DPP10: variants seen among roughly 807,000 people sequenced by gnomAD.
DPP10 encodes the protein inactive dipeptidyl peptidase 10.
Under a neutral mutation model 120.9 loss-of-function variants are expected in DPP10, and 33 were observed. The observed-to-expected ratio is 0.27, with a 90% confidence interval of 0.21 to 0.37. The LOEUF is 0.37. DPP10 is among the 10% of genes least tolerant of loss of function. The pLI, the probability that DPP10 is intolerant of heterozygous loss-of-function variation, is 1.00. For synonymous variants in DPP10, 337 were observed against 326.1 expected, an observed-to-expected ratio of 1.03 and a Z score of -0.36; for missense variants, 816 against 942.8, an observed-to-expected ratio of 0.87 and a Z score of 1.76.
intron 1 of DPP10, among the ~76,000 whole-genome samples, chr2:115,257,805 A>T (rs546034384): frequency 7.9e-5 from 12 of 152,310 alleles, no homozygotes; most frequent in African/African-American, 1.4e-4. Flanking sequence ...TGCCTTGATG[A>T]TATAACCTAT....
chr2:114,899,700 G>T (rs1417085700), intron 1 of DPP10, among the ~76,000 whole-genome samples: 1 of 152,172 alleles, frequency 6.6e-6, no homozygotes, highest in Non-Finnish European at 1.5e-5. Context: ...GCTCACGCCT[G>T]TAATCCCAGC....
chr2:115,699,043 A>AAAAAAAAAAAAAAAAG (rs2091757117), intron 7 of DPP10, among the ~76,000 whole-genome samples: 1 of 145,452 alleles, frequency 6.9e-6, no homozygotes, highest in Non-Finnish European at 1.5e-5. Flanking sequence ...AAACAAAAAA[A>AAAAAAAAAAAAAAAAG]AAAAAACAAG....
intron 1 of DPP10, among the ~76,000 whole-genome samples, chr2:115,304,234 C>G (rs1409604137): frequency 1.3e-5 from 2 of 151,640 alleles, no homozygotes; most frequent in African/African-American, 4.8e-5. Flanking sequence ...CTTTATTGAA[C>G]TTCTTTGAGA....
intron 1 of DPP10, among the ~76,000 whole-genome samples, chr2:114,913,321 C>A (rs1694522800): frequency 6.6e-6 from 1 of 152,200 alleles, no homozygotes; most frequent in African/African-American, 2.4e-5. Flanking sequence ...CACCCCCGCA[C>A]TGAAGCACTT....
At chr2:115,293,857 C>A (rs528405491) in intron 1 of DPP10, among the ~76,000 whole-genome samples, 1 of 151,910 alleles carries the variant, frequency 6.6e-6, no homozygotes, top group East Asian at 1.9e-4. Flanking sequence ...CTACTCTTGC[C>A]GAAGAAACAA....
intron 25 of DPP10, 99 bp downstream of exon 25, chr2:115,840,922 AT>A: frequency 1.1e-6 from 1 of 933,208 alleles, no homozygotes; most frequent in South Asian, 1.9e-5. Flanking sequence ...CCCTACTATT[AT>A]TTTTTAATAT....
At chr2:115,387,661 T>A (rs1031589729) in intron 3 of DPP10, among the ~76,000 whole-genome samples, 1 of 152,196 alleles carries the variant, frequency 6.6e-6, no homozygotes, top group Admixed American at 6.5e-5. Context: ...TTATCTGAAA[T>A]TCAAACTTAA....
chr2:115,793,674 T>C (rs924530405), intron 19 of DPP10, among the ~76,000 whole-genome samples: 2 of 151,976 alleles, frequency 1.3e-5, no homozygotes, highest in African/African-American at 4.8e-5. Flanking sequence ...TTTGCTACTT[T>C]TTTGGTTGAT....
rs377105300 is a variant in DPP10, at chr2:115,178,283, C to T, written c.61-130956C>T. Reference sequence around the variant, plus strand: ...ATTAAACACCTGAGACACTGTCTACCGGAGTAGACAAGGGCATGGACTCTA... The same window carrying T: ...ATTAAACACCTGAGACACTGTCTACTGGAGTAGACAAGGGCATGGACTCTA... On this transcript the variant is annotated intron_variant, in intron 1 of 25. Coordinates refer to ENST00000410059, the MANE Select transcript of DPP10 (RefSeq NM_020868.6). Among the ~76,000 whole-genome samples, 49 of 152,186 alleles carry T rather than the reference C, an allele frequency of 3.2e-4. No homozygotes were observed. In the East Asian group the frequency reaches 6.4e-3, roughly 20 times the overall value.
intron 1 of DPP10, among the ~76,000 whole-genome samples, chr2:115,191,935 C>T (rs1469982932): frequency 1.3e-5 from 2 of 152,112 alleles, no homozygotes; most frequent in Non-Finnish European, 2.9e-5. Flanking sequence ...GTCGGGAGAT[C>T]AGTAGTAGAA....
intron 1 of DPP10, among the ~76,000 whole-genome samples, chr2:114,994,294 G>A (rs546444185): frequency 1.3e-5 from 2 of 152,110 alleles, no homozygotes; most frequent in Admixed American, 1.3e-4. Context: ...GAGTAGCATG[G>A]TAAATCTCAA....
chr2:114,822,286 G>A (rs1686158004), intron 1 of DPP10, among the ~76,000 whole-genome samples: 1 of 152,154 alleles, frequency 6.6e-6, no homozygotes, highest in African/African-American at 2.4e-5. Context: ...CTTGCACTCT[G>A]AAGCCATGAC....
At chr2:115,802,162 G>A (rs1453244400) in intron 19 of DPP10, among the ~76,000 whole-genome samples, 1 of 152,028 alleles carries the variant, frequency 6.6e-6, no homozygotes, top group Non-Finnish European at 1.5e-5. Context: ...TTAGTCTTGG[G>A]ATAGTGTATG....
intron 1 of DPP10, among the ~76,000 whole-genome samples, chr2:114,478,922 A>C (rs1680765936): frequency 6.7e-6 from 1 of 148,894 alleles, no homozygotes; most frequent in Admixed American, 6.8e-5. Flanking sequence ...GAAATCAAAT[A>C]AAATGTAAAT....
At chr2:115,328,962 C>T (rs1184945491) in intron 2 of DPP10, among the ~76,000 whole-genome samples, 2 of 152,074 alleles carry the variant, frequency 1.3e-5, no homozygotes, top group Non-Finnish European at 2.9e-5. Flanking sequence ...TGCCCATCCC[C>T]TTTTGAGAAC....
chr2:115,236,328 G>A (rs964922361), intron 1 of DPP10, among the ~76,000 whole-genome samples: 1 of 152,204 alleles, frequency 6.6e-6, no homozygotes, highest in African/African-American at 2.4e-5. Context: ...AAGCAAGTTA[G>A]TGTAGAGATG....
chr2:115,815,230 A>G (rs906894502), intron 20 of DPP10, among the ~76,000 whole-genome samples: 1 of 152,170 alleles, frequency 6.6e-6, no homozygotes, highest in Non-Finnish European at 1.5e-5. Flanking sequence ...GAAGTTGGAT[A>G]CATTTTAATT....
chr2:114,705,694 A>G (rs1278416233), intron 1 of DPP10, among the ~76,000 whole-genome samples: 1 of 152,236 alleles, frequency 6.6e-6, no homozygotes, highest in Admixed American at 6.5e-5. Flanking sequence ...TGATAAAAAT[A>G]AAAAGAGACC....
intron 1 of DPP10, among the ~76,000 whole-genome samples, chr2:115,104,657 T>C (rs1331207039): frequency 6.6e-6 from 1 of 152,142 alleles, no homozygotes; most frequent in East Asian, 1.9e-4. Flanking sequence ...ACATCAAAAG[T>C]ACCTGATCAA....
Sources: allele counts gnomAD v4.1 joint callset (sites outside exome capture counted in the v4.1 genomes callset), GRCh38; gene constraint gnomAD v4.1.1; transcripts MANE v1.5; gene names NCBI Gene and HGNC (gene_info 2026-07-23, HGNC 2026-07-21).